The following PCNX2 variants were observed in gnomAD, a reference collection of about 807,000 sequenced individuals.
The protein encoded by PCNX2 is pecanex-like protein 2.
A neutral mutation model predicts 223.8 loss-of-function variants in PCNX2; 168 were observed. That is an observed-to-expected ratio of 0.75 (90% confidence interval 0.66 to 0.85). PCNX2 has a LOEUF of 0.85. Ranked by LOEUF, PCNX2 falls within the 40% of genes least tolerant of loss-of-function variation. The pLI, the probability that PCNX2 is intolerant of heterozygous loss-of-function variation, is 0.00. For missense variants in PCNX2, 2,507 were observed against 2,675.5 expected (o/e 0.94, Z 1.39); for synonymous variants, 1,006 against 1,052.6 (o/e 0.96, Z 0.86).
intron 8 of PCNX2, among the ~76,000 whole-genome samples, chr1:233,248,506 G>A (rs1239263403): frequency 6.6e-6 from 1 of 152,092 alleles, no homozygotes; most frequent in Non-Finnish European, 1.5e-5. Flanking sequence ...GACCGCCGGG[G>A]TGAGGTGTTT....
intron 10 of PCNX2, among the ~76,000 whole-genome samples, chr1:233,218,521 A>G (rs56949675): frequency 0.028 from 4,209 of 152,170 alleles, 188 homozygotes; most frequent in African/African-American, 0.096. Flanking sequence ...AAGTGCTGGG[A>G]TTACAGGCGT....
At chr1:233,095,481 G>T in intron 22 of PCNX2, 1 of 429,686 alleles carries the variant, frequency 2.3e-6, no homozygotes, top group Non-Finnish European at 4.2e-6. Flanking sequence ...AAAAGACAGG[G>T]TACCTTAATG....
chr1:233,252,917 C>T (rs532130817), intron 5 of PCNX2, 129 bp from the exon 6 acceptor site: 2 of 959,494 alleles, frequency 2.1e-6, no homozygotes, highest in East Asian at 2.7e-5. Context: ...ATGCAAAAGG[C>T]TTTTAAATAA....
At chr1:233,062,810 A>C (rs1672452589) in intron 23 of PCNX2, among the ~76,000 whole-genome samples, 1 of 152,232 alleles carries the variant, frequency 6.6e-6, no homozygotes, top group Non-Finnish European at 1.5e-5. Context: ...TAAAATTATA[A>C]AGACAATTCT....
upstream of PCNX2, among the ~76,000 whole-genome samples, chr1:233,296,593 T>C (rs1191934503): frequency 6.6e-6 from 1 of 152,142 alleles, no homozygotes; most frequent in Non-Finnish European, 1.5e-5. Context: ...AGGGAAGAGA[T>C]AAAAAGGAGC....
intron 17 of PCNX2, among the ~76,000 whole-genome samples, chr1:233,169,782 T>G (rs1369825146): frequency 6.6e-6 from 1 of 152,150 alleles, no homozygotes; most frequent in Non-Finnish European, 1.5e-5. Flanking sequence ...TCCTAGAAGC[T>G]TCTTGTATGT....
rs1291407563 is a variant in PCNX2 at position 233,000,405 on chromosome 1, T to C, written c.5228A>G (p.Lys1743Arg). Residue 1743 changes from lysine (K) to arginine (R), a missense_variant, in exon 30 of 34, where the codon AAG becomes AGG. This residue lies in a region of PCNX2 where 1,372 missense variants were observed against 1,509.4 expected (regional missense o/e 0.91). Coordinates refer to ENST00000258229, the MANE Select transcript of PCNX2 (RefSeq NM_014801.4). This position sits in a 1 kb window ranked among gnomAD's most constrained non-coding sequence, Gnocchi z 4.6. ...PAWRGAVLSN[K>R]EELLTLRHVV... ...GTGCCGCAGGGTGAGCAGCTCTTCC[T>C]TGTTGGACAGCACTGCGCCCCGCCA... 4 of 1,611,418 alleles carry C rather than the reference T, an allele frequency of 2.5e-6. No individual in the cohort carries two copies. The highest frequency in any genetic ancestry group is 3.4e-6 in the Non-Finnish European group (4 of 1,178,206).
At chr1:233,056,504 A>G (rs1672195744) in intron 24 of PCNX2, among the ~76,000 whole-genome samples, 1 of 152,150 alleles carries the variant, frequency 6.6e-6, no homozygotes, top group African/African-American at 2.4e-5. Context: ...AGATATCAGT[A>G]CCTCTCCTCC....
intron 13 of PCNX2, among the ~76,000 whole-genome samples, chr1:233,204,964 G>T (rs1200857626): frequency 6.6e-6 from 1 of 152,256 alleles, no homozygotes; most frequent in South Asian, 2.1e-4. Context: ...ATAAGAATAT[G>T]CATAGCTAGT....
chr1:233,088,700 G>A (rs959252707), intron 23 of PCNX2, among the ~76,000 whole-genome samples: 1 of 152,102 alleles, frequency 6.6e-6, no homozygotes. Flanking sequence ...CACTGATTTG[G>A]TTAGTTTTCA....
chr1:233,025,249 T>C lies in PCNX2; in HGVS notation c.4502A>G (p.Gln1501Arg). ...GTAGCCCTCCAGGATGTACTGGGTC[T>C]GCGTGATTTCCCAGGTGAGCCAGCG... ...HLRWLTWEIT[Q>R]TQYILEGYSI... Residue 1501 changes from glutamine (Q) to arginine (R), a missense_variant, in exon 26 of 34, where the codon CAG becomes CGG. By Grantham distance (43) the Gln-to-Arg change is conservative. Transcript: ENST00000258229. The C allele has an allele frequency of 6.2e-7, 1 of 1,614,022 alleles. No homozygotes were observed. Among genetic ancestry groups the C allele is most frequent in the Non-Finnish European group, 8.5e-7 (1 of 1,179,900 alleles).
chr1:233,234,382 T>C (rs1340823858), intron 9 of PCNX2, among the ~76,000 whole-genome samples: 2 of 152,220 alleles, frequency 1.3e-5, no homozygotes, highest in Non-Finnish European at 2.9e-5. Context: ...TCCTCCTCCA[T>C]ACCCATATAT....
chr1:233,055,298 CTTGT>C (rs905864321), intron 24 of PCNX2, among the ~76,000 whole-genome samples: 6 of 152,102 alleles, frequency 3.9e-5, no homozygotes, highest in Non-Finnish European at 8.8e-5. Context: ...TCCACTGTTG[CTTGT>C]TTGTTTAACT....
chr1:233,153,168 C>T (rs941727970), intron 19 of PCNX2, among the ~76,000 whole-genome samples: 2 of 152,208 alleles, frequency 1.3e-5, no homozygotes, highest in Admixed American at 6.5e-5. Context: ...AGGCTACACA[C>T]TACAAACTAT....
At chr1:233,200,349 C>G in intron 13 of PCNX2, 85 bp from the exon 14 acceptor site, 1 of 809,480 alleles carries the variant, frequency 1.2e-6, no homozygotes, top group Non-Finnish European at 1.9e-6. Flanking sequence ...CTCTCCCCTT[C>G]CAAACCACCC....
intron 8 of PCNX2, among the ~76,000 whole-genome samples, chr1:233,237,962 T>C (rs1658516011): frequency 6.6e-6 from 1 of 152,226 alleles, no homozygotes; most frequent in Non-Finnish European, 1.5e-5. Flanking sequence ...TCTTAAGTAG[T>C]AACAAAAGTA....
rs1301872059 is a variant in PCNX2 at position 233,031,782 on chromosome 1, ATTCT to A, written c.4352-6387_4352-6384del. 7.2e-6 allele frequency: 7 copies of A among 974,288 alleles called. No homozygotes were observed. In the Admixed American group the frequency reaches 3.9e-4, roughly 55 times the overall value. The allele number at this position is 974,288 out of a possible 1,614,324, so 60.4% of individuals were successfully genotyped here. On this transcript the variant is annotated intron_variant, in intron 25 of 33. Coordinates refer to ENST00000258229, the MANE Select transcript of PCNX2 (RefSeq NM_014801.4). Reference sequence around the variant, plus strand: ...CTTGCTTTGGCTCTTGGCTGAAAGCATTCTTTTTTTTTTTTTTTTTTAAACATTT... The same window carrying A: ...CTTGCTTTGGCTCTTGGCTGAAAGCATTTTTTTTTTTTTTTTTAAACATTT...
chr1:233,316,354 C>G, the PCNX2 span, among the ~76,000 whole-genome samples: 1 of 152,140 alleles, frequency 6.6e-6, no homozygotes, highest in Non-Finnish European at 1.5e-5. Context: ...CGTATCATCA[C>G]CACCATCAGC....
intron 1 of PCNX2, among the ~76,000 whole-genome samples, chr1:233,273,672 G>A (rs1214824679): frequency 6.6e-6 from 1 of 150,458 alleles, no homozygotes; most frequent in Non-Finnish European, 1.5e-5. Flanking sequence ...CGCCAGGGCC[G>A]AAGTGCAGTG....
Sources: allele counts gnomAD v4.1 joint callset (sites outside exome capture counted in the v4.1 genomes callset), GRCh38; gene constraint gnomAD v4.1.1; regional missense constraint gnomAD v4.1.1; non-coding constraint Gnocchi (gnomAD v3.1); transcripts MANE v1.5; gene names NCBI Gene and HGNC (gene_info 2026-07-23, HGNC 2026-07-21).